The following IQGAP3 variants were observed in gnomAD, a reference collection of about 807,000 sequenced individuals.
IQGAP3 encodes the protein IQ motif containing GTPase activating protein 3, also known as ras GTPase-activating-like protein IQGAP3.
Under a neutral mutation model 208.2 loss-of-function variants are expected in IQGAP3, and 165 were observed. That is an observed-to-expected ratio of 0.79 (90% CI 0.70 to 0.90). The LOEUF (loss-of-function observed/expected upper bound fraction) is 0.90, where lower values mean the gene tolerates loss of function less well. Ranked by LOEUF, IQGAP3 falls within the 40% of genes least tolerant of loss-of-function variation. The probability of loss-of-function intolerance (pLI) is 0.00; values close to 1 mark genes in which losing one functional copy is unlikely to be tolerated. For missense variants in IQGAP3, 1,811 were observed against 2,043.1 expected (o/e 0.89, Z 2.19); for synonymous variants, 703 against 803.6 (o/e 0.87, Z 2.12).
intron 3 of IQGAP3, 129 bp from the exon 4 acceptor site, chr1:156,566,233 T>C (rs2102444541): frequency 4.1e-6 from 5 of 1,213,160 alleles, no homozygotes; most frequent in Middle Eastern, 2.3e-4. Flanking sequence ...ATCCTGTGGA[T>C]TTTCCATCCC....
intron 10 of IQGAP3, among the ~76,000 whole-genome samples, chr1:156,561,447 G>A (rs568605706): frequency 1.3e-4 from 10 of 78,472 alleles, no homozygotes; most frequent in African/African-American, 4.4e-5. Context: ...GATTACAGGC[G>A]TGAGCCACAG....
chr1:156,527,819 C>T, intron 37 of IQGAP3, 133 bp downstream of exon 37: 1 of 634,462 alleles, frequency 1.6e-6, no homozygotes, highest in Non-Finnish European at 2.8e-6. Context: ...TCTTCAGGAA[C>T]AGACGATACT....
In IQGAP3 at chr1:156,561,659, C is replaced by G. The variant is rs72996663; in HGVS notation, c.1041+179G>C. Among the ~76,000 whole-genome samples, 270 of 152,304 alleles carry G rather than the reference C, an allele frequency of 1.8e-3. 2 individuals are homozygous for G. The highest frequency in any genetic ancestry group is 6.4e-3 in the African/African-American group (265 of 41,564). ...GGTTCCTCTTGGTCAGCCTGGGGGA[C>G]TCTCAGGGACAGAAGCTGATCAATC... is the stretch of plus-strand genomic sequence containing the variant. On this transcript the variant is annotated intron_variant, in intron 10 of 37. Coordinates refer to ENST00000361170, the MANE Select transcript of IQGAP3 (RefSeq NM_178229.5).
At position 156,566,358 on chromosome 1, in the gene IQGAP3, C is replaced by T. The variant is rs754041338; in HGVS notation, c.282+32G>A. The T allele has an allele frequency of 1.6e-5, 25 of 1,607,754 alleles. 1 individual carries two copies. In the Admixed American group the frequency reaches 2.7e-4, roughly 17 times the overall value. On this transcript the variant is annotated intron_variant, in intron 3 of 37. Transcript: ENST00000361170. ...GAGGAGAAAGCATAGTTTGAGGGGA[C>T]GAAGGTAGAAGGTGGGGTCCAATCC...
intron 19 of IQGAP3, among the ~76,000 whole-genome samples, chr1:156,544,708 A>G (rs72996624): frequency 0.03 from 4,549 of 152,180 alleles, 241 homozygotes; most frequent in African/African-American, 0.11. Context: ...ACAAACACCC[A>G]CATACCCACA....
chr1:156,540,378 A>G (rs541108823), intron 23 of IQGAP3, among the ~76,000 whole-genome samples: 62 of 152,224 alleles, frequency 4.1e-4, no homozygotes, highest in African/African-American at 1.4e-3. Context: ...ATCTGTCTCT[A>G]TATTTGGCCT....
At chr1:156,541,380 G>A (rs893284738) in intron 22 of IQGAP3, among the ~76,000 whole-genome samples, 2 of 152,000 alleles carry the variant, frequency 1.3e-5, no homozygotes, top group African/African-American at 4.8e-5. Flanking sequence ...TGTACACACC[G>A]GGAAGGACAG....
At chr1:156,536,697 A>G (rs1272689442) in intron 27 of IQGAP3, 1 of 152,420 alleles carries the variant, frequency 6.6e-6, no homozygotes, top group East Asian at 1.9e-4. Context: ...TTGATCATTC[A>G]TTGCACAATG....
At chr1:156,526,792 C>T (rs1205918625) in intron 37 of IQGAP3, among the ~76,000 whole-genome samples, 193 bp from the exon 38 acceptor site, 1 of 152,086 alleles carries the variant, frequency 6.6e-6, no homozygotes, top group East Asian at 1.9e-4. Flanking sequence ...GATCAAATGT[C>T]AACTCAAGCA....
At chr1:156,549,467 T>G (rs1675434291) in intron 16 of IQGAP3, among the ~76,000 whole-genome samples, 1 of 120,202 alleles carries the variant, frequency 8.3e-6, no homozygotes, top group African/African-American at 3.5e-5. Context: ...CAACACTCTG[T>G]CTCAAAAAAA....
At position 156,526,199 on chromosome 1, in the gene IQGAP3, C is replaced by A. The variant is rs1279029997; in HGVS notation, c.*287G>T. ...TAGCAGACACAAGAGTAATGGCTTT[C>A]CCAGGTCAAGGTCCATGTCCTACCA... On this transcript the variant is annotated 3_prime_UTR_variant, in exon 38 of 38. Coordinates refer to ENST00000361170, the MANE Select transcript of IQGAP3 (RefSeq NM_178229.5). The A allele has an allele frequency of 2.7e-6, 1 of 369,522 alleles. No homozygotes were observed. Among genetic ancestry groups the A allele is most frequent in the African/African-American group, 2.0e-5 (1 of 49,662 alleles). 22.9% of individuals were successfully genotyped at this position (369,522 alleles called of 1,614,324 possible).
At position 156,566,566 on chromosome 1, in the gene IQGAP3, T is replaced by C; in HGVS notation, c.126-20A>G. 2 of 1,612,234 alleles carry C rather than the reference T, an allele frequency of 1.2e-6. No homozygotes were observed. The highest frequency in any genetic ancestry group is 1.7e-6 in the Non-Finnish European group (2 of 1,178,790). On this transcript the variant is annotated intron_variant, in intron 2 of 37. Coordinates refer to ENST00000361170, the MANE Select transcript of IQGAP3 (RefSeq NM_178229.5). Reference sequence around the variant, plus strand: ...ATCCAGCTATGAACATGAGAACACCTTCTCACGCACTCTGGCAGACCACAG... The same window carrying C: ...ATCCAGCTATGAACATGAGAACACCCTCTCACGCACTCTGGCAGACCACAG...
chr1:156,548,652 C>G lies in IQGAP3; in HGVS notation c.1922G>C (p.Gly641Ala). The G allele has an allele frequency of 6.2e-7, 1 of 1,612,382 alleles. No individual in the cohort carries two copies. Among genetic ancestry groups the G allele is most frequent in the Non-Finnish European group, 8.5e-7 (1 of 1,178,886 alleles). ...GCCGTTGGCACAGTCGGGAACTACC[C>G]CTCGAAGGGCCACTGCGGGGTTCCT... Reference protein sequence around the residue: ...VLRNPAVALRGVVPDCANGYQ... With the variant: ...VLRNPAVALRAVVPDCANGYQ... Residue 641 changes from glycine (G) to alanine (A), a missense_variant, in exon 17 of 38, where the codon GGG (glycine) becomes GCG (alanine). Gly to Ala is a moderately conservative substitution (Grantham distance 60, BLOSUM62 0). Coordinates refer to ENST00000361170, the MANE Select transcript of IQGAP3 (RefSeq NM_178229.5).
intron 3 of IQGAP3, 52 bp downstream of exon 3, chr1:156,566,338 G>A: frequency 6.4e-7 from 1 of 1,574,462 alleles, no homozygotes; most frequent in African/African-American, 1.3e-5. Context: ...GCTTTGAGGA[G>A]AAAGCATAGT....
At chr1:156,541,521 T>G (rs1011213982) in intron 22 of IQGAP3, among the ~76,000 whole-genome samples, 9 of 152,138 alleles carry the variant, frequency 5.9e-5, no homozygotes, top group African/African-American at 1.9e-4. Context: ...TTATTGGAAA[T>G]AACAACAAAA....
rs1156361285 is a variant in IQGAP3 at position 156,572,557 on chromosome 1, C to T, written c.-28G>A. On this transcript the variant is annotated 5_prime_UTR_variant, in exon 1 of 38. Transcript: ENST00000361170. Reference sequence around the variant, plus strand: ...TCCTCCTTCTTCCAGGTTTGAATCTCCCGCCGTTGGGCCACCGCCCCTCAC... The same window carrying T: ...TCCTCCTTCTTCCAGGTTTGAATCTTCCGCCGTTGGGCCACCGCCCCTCAC... 6.2e-7 allele frequency: 1 copy of T among 1,612,716 alleles called. No homozygotes were observed. The highest frequency in any genetic ancestry group is 1.3e-5 in the African/African-American group (1 of 74,948).
intron 16 of IQGAP3, 122 bp downstream of exon 16, chr1:156,550,139 G>A: frequency 3.0e-6 from 2 of 677,924 alleles, no homozygotes; most frequent in Non-Finnish European, 5.3e-6. Context: ...ACTCTGGCCT[G>A]CCTCCCCACA....
chr1:156,537,406 TAAC>T (rs756195620), intron 26 of IQGAP3, 85 bp from the exon 27 acceptor site: 128 of 1,324,750 alleles, frequency 9.7e-5, no homozygotes, highest in Non-Finnish European at 1.3e-4. Context: ...AACGCTTGTC[TAAC>T]AACAAGATCT....
At chr1:156,539,225 T>C in intron 25 of IQGAP3, 149 bp downstream of exon 25, 1 of 860,852 alleles carries the variant, frequency 1.2e-6, no homozygotes, top group South Asian at 1.7e-5. Context: ...CCCAGATGTT[T>C]TACGGTTTCT....
Sources: gnomAD v4.1 joint callset for allele counts (sites outside exome capture counted in the v4.1 genomes callset) on GRCh38, gnomAD v4.1.1 for gene constraint, MANE v1.5 for transcripts, NCBI Gene and HGNC (gene_info 2026-07-23, HGNC 2026-07-21) for gene names.